Variants in KLHL41 observed in about 807,000 individuals in gnomAD.
KLHL41 encodes kelch like family member 41.
Under a neutral mutation model 49.2 loss-of-function variants are expected in KLHL41, and 31 were observed. The observed-to-expected ratio is 0.63, with a 90% CI of 0.47 to 0.85. KLHL41 has a LOEUF of 0.85. Ranked by LOEUF, KLHL41 falls within the 40% of genes least tolerant of loss-of-function variation. The pLI, the probability that KLHL41 is intolerant of heterozygous loss-of-function variation, is 0.00. For synonymous variants in KLHL41, 218 were observed against 258.5 expected, an observed-to-expected ratio of 0.84 and a Z score of 1.50; for missense variants, 663 against 726.7, an observed-to-expected ratio of 0.91 and a Z score of 1.01.
chr2:169,524,788 A>G (rs1432021586), intron 5 of KLHL41, among the ~76,000 whole-genome samples: 1 of 150,134 alleles, frequency 6.7e-6, no homozygotes, highest in Non-Finnish European at 1.5e-5. Flanking sequence ...GCTTGAGGAC[A>G]TTGATATGGG....
chr2:169,511,829 A>C (rs2105308634), intron 1 of KLHL41, among the ~76,000 whole-genome samples: 1 of 152,350 alleles, frequency 6.6e-6, no homozygotes, highest in South Asian at 2.1e-4. Context: ...CAAGAAAATT[A>C]ATTCTCCTAA....
intron 4 of KLHL41, among the ~76,000 whole-genome samples, chr2:169,520,275 AGTGTGTGTGTGTGTGTGTGTGTGT>A (rs71003095): frequency 1.6e-4 from 9 of 56,980 alleles, no homozygotes; most frequent in Non-Finnish European, 2.4e-4. Flanking sequence ...CTCCTGCCTC[AGTGTGTGTGTGTGTGTGTGTGTGT>A]GTGTGTGTGT....
intron 4 of KLHL41, 114 bp from the exon 5 acceptor site, chr2:169,520,747 C>T (rs1684190523): frequency 1.2e-6 from 1 of 836,790 alleles, no homozygotes. Context: ...GCCACCGCGC[C>T]TGGCTGCCTG....
At chr2:169,521,056 A>C (rs1169472290) in intron 5 of KLHL41, 49 bp downstream of exon 5, 1 of 1,545,140 alleles carries the variant, frequency 6.5e-7, no homozygotes, top group Admixed American at 1.7e-5. Flanking sequence ...AAATCAGATG[A>C]CTGATAAACT....
chr2:169,518,166 G>A, intron 3 of KLHL41, 24 bp from the exon 4 acceptor site: 1 of 1,585,772 alleles, frequency 6.3e-7, no homozygotes, highest in Non-Finnish European at 8.6e-7. Flanking sequence ...GTTCTAAAAG[G>A]AACATTTGTT....
In KLHL41 at chr2:169,510,537, A is replaced by G. The variant is rs1559129514; in HGVS notation, c.759A>G (p.Lys253=). The change falls in exon 1 of 6, where the codon AAA becomes AAG. Residue 253 remains lysine, a synonymous_variant. Coordinates refer to ENST00000284669, the MANE Select transcript of KLHL41 (RefSeq NM_006063.3). The surrounding 1 kb of genome is among the most constrained non-coding windows in gnomAD (Gnocchi z 4.2). ...ACCCAGACCTCCAGAAAAAAATCAAAGTTCTAAAAGATGCTTTCGCAGGCA... is the reference window on the plus strand; with the variant it reads ...ACCCAGACCTCCAGAAAAAAATCAAGGTTCTAAAAGATGCTTTCGCAGGCA... ...KSNPDLQKKI[K]VLKDAFAGKL... 6.2e-7 allele frequency: 1 copy of G among 1,613,568 alleles called. No homozygotes were observed.
chr2:169,514,393 A>G (rs1684075059), intron 1 of KLHL41, 181 bp from the exon 2 acceptor site: 2 of 475,960 alleles, frequency 4.2e-6, no homozygotes, highest in South Asian at 8.9e-5. Flanking sequence ...AAGTAGATTT[A>G]CTCATTCTTC....
rs1304097331 is a variant in KLHL41 at position 169,510,590 on chromosome 2, C to T, written c.812C>T (p.Ala271Val). Residue 271 changes from alanine to valine, a missense_variant, in exon 1 of 6, where the codon GCG (alanine) becomes GTG (valine). Coordinates refer to ENST00000284669, the MANE Select transcript of KLHL41 (RefSeq NM_006063.3). The surrounding 1 kb of genome is among the most constrained non-coding windows in gnomAD (Gnocchi z 4.2). ...CTCCCAGAACCTAGCAAAAATGCCG[C>T]GAAGACTGGGGCTGGTGAGGTGAAT... ...GKLPEPSKNA[A>V]KTGAGEVNGD... 18 of 1,613,974 alleles carry T rather than the reference C, an allele frequency of 1.1e-5. No homozygotes were observed. The highest frequency in any genetic ancestry group is 2.2e-5 in the South Asian group (2 of 91,078).
Position 169,509,929 on chromosome 2 carries a change from T to C in KLHL41, c.151T>C (p.Leu51=). ...AAGTCTTCCTTGCCACAGATTGATTTTGTCAGCTTGTAGTCCTTACTTCCG... is the reference window on the plus strand; with the variant it reads ...AAGTCTTCCTTGCCACAGATTGATTCTGTCAGCTTGTAGTCCTTACTTCCG... ...DKSLPCHRLI[L]SACSPYFREY... The change falls in exon 1 of 6, where the codon TTG becomes CTG. Residue 51 remains leucine (L), a synonymous_variant. Transcript: ENST00000284669. 6.2e-6 allele frequency: 10 copies of C among 1,614,210 alleles called. No homozygotes were observed. Among genetic ancestry groups the C allele is most frequent in the Non-Finnish European group, 8.5e-6 (10 of 1,180,038 alleles).
In KLHL41 at chr2:169,521,121, A is replaced by G. The variant is rs1684196453; in HGVS notation, c.1709+114A>G. The G allele has an allele frequency of 3.2e-6, 3 of 923,786 alleles. No individual in the cohort carries two copies. In the African/African-American group the frequency reaches 5.0e-5, roughly 15 times the overall value. The allele number at this position is 923,786 out of a possible 1,614,324, so 57.2% of individuals were successfully genotyped here. On this transcript the variant is annotated intron_variant, in intron 5 of 5. Transcript: ENST00000284669. ...CCCAACATGCAAGCTACTTCTTGGT[A>G]GTAGACTAAACACTTCAAACCTAAT...
At chr2:169,517,930 C>T (rs1454734180) in intron 3 of KLHL41, among the ~76,000 whole-genome samples, 6 of 151,984 alleles carry the variant, frequency 3.9e-5, no homozygotes, top group Non-Finnish European at 5.9e-5. Context: ...TTAGTAGATA[C>T]GATTAAAATC....
Position 169,509,851 on chromosome 2 carries a change from G to A in KLHL41, c.73G>A (p.Asp25Asn), listed in dbSNP as rs376586719. The A allele has an allele frequency of 6.2e-7, 1 of 1,614,078 alleles. No homozygotes were observed. Among genetic ancestry groups the A allele is most frequent in the Admixed American group, 1.7e-5 (1 of 60,026 alleles). ...QSTLLQDGLK[D>N]LLDEKKFIDC... ...CACCCTTCTTCAGGATGGTCTAAAA[G>A]ATCTCCTGGATGAGAAAAAATTCAT... Residue 25 changes from aspartate (D) to asparagine (N), a missense_variant, in exon 1 of 6, where the codon GAT becomes AAT. Asp to Asn is a conservative substitution (Grantham distance 23). This residue lies in a region of KLHL41 where 129 missense variants were observed against 122.1 expected (regional missense o/e 1.06). Coordinates refer to ENST00000284669, the MANE Select transcript of KLHL41 (RefSeq NM_006063.3).
intron 3 of KLHL41, among the ~76,000 whole-genome samples, chr2:169,516,523 T>G (rs2105310458): frequency 6.6e-6 from 1 of 152,308 alleles, no homozygotes; most frequent in South Asian, 2.1e-4. Flanking sequence ...CTAAAGAGCA[T>G]TCTGACTTTG....
chr2:169,514,187 G>C (rs528580083), intron 1 of KLHL41: 5 of 168,026 alleles, frequency 3.0e-5, no homozygotes, highest in African/African-American at 1.2e-4. Flanking sequence ...CACATTCTGT[G>C]ACCCTCCTTG....
chr2:169,517,494 C>G (rs1574352382), intron 3 of KLHL41, among the ~76,000 whole-genome samples: 1 of 152,146 alleles, frequency 6.6e-6, no homozygotes, highest in Non-Finnish European at 1.5e-5. Context: ...TTCCCAGCTA[C>G]CTGGGAAGTT....
Position 169,525,713 on chromosome 2 carries a change from TAA to T in KLHL41, c.*18_*19del. 1 of 1,451,532 alleles carries T rather than the reference TAA, an allele frequency of 6.9e-7. No homozygotes were observed. The highest frequency in any genetic ancestry group is 9.7e-7 in the Non-Finnish European group (1 of 1,033,086). 89.9% of individuals were successfully genotyped at this position (1,451,532 alleles called of 1,614,324 possible). Reference sequence around the variant, plus strand: ...AAACTGTGAACAAGGTGACAAAACATAATAGATTGGGAGGTGGTTTGTTTGGT... The same window carrying T: ...AAACTGTGAACAAGGTGACAAAACATTAGATTGGGAGGTGGTTTGTTTGGT... On this transcript the variant is annotated 3_prime_UTR_variant, in exon 6 of 6. Transcript: ENST00000284669.
intron 3 of KLHL41, among the ~76,000 whole-genome samples, chr2:169,516,299 T>G (rs981151320): frequency 4.6e-5 from 7 of 152,164 alleles, no homozygotes; most frequent in Non-Finnish European, 8.8e-5. Flanking sequence ...ATTAGTCAAT[T>G]TAAATGGTAA....
At chr2:169,525,157 G>C (rs1403885899) in intron 5 of KLHL41, among the ~76,000 whole-genome samples, 1 of 152,198 alleles carries the variant, frequency 6.6e-6, no homozygotes, top group African/African-American at 2.4e-5. Flanking sequence ...TGCCATGCTA[G>C]GCACTAGTGT....
intron 5 of KLHL41, 149 bp downstream of exon 5, chr2:169,521,156 G>A: frequency 1.5e-6 from 1 of 656,724 alleles, no homozygotes; most frequent in Admixed American, 2.9e-5. Flanking sequence ...TTGAACTTCT[G>A]TACATGCCAC....
Sources: allele counts gnomAD v4.1 joint callset (sites outside exome capture counted in the v4.1 genomes callset), GRCh38; gene constraint gnomAD v4.1.1; regional missense constraint gnomAD v4.1.1; non-coding constraint Gnocchi (gnomAD v3.1); transcripts MANE v1.5; gene names NCBI Gene and HGNC (gene_info 2026-07-23, HGNC 2026-07-21).